Variants in EXD1 observed in about 807,000 individuals in gnomAD.
The protein encoded by EXD1 is exonuclease 3'-5' domain containing 1.
In EXD1, 63 loss-of-function variants were observed where a neutral mutation model predicts 49.1. The ratio of observed to expected loss-of-function variants is 1.28; its 90% CI spans 1.05 to 1.58. EXD1 has a LOEUF of 1.58. EXD1 is among the 40% of genes most tolerant of loss of function. The probability of loss-of-function intolerance (pLI) is 0.00; values close to 1 mark genes in which losing one functional copy is unlikely to be tolerated. For synonymous variants in EXD1, 234 were observed against 239.2 expected (o/e 0.98, Z 0.20); for missense variants, 748 against 666.0 (o/e 1.12, Z -1.36).
chr15:41,183,846 A>G lies in EXD1; in HGVS notation c.*85T>C. 1 of 1,352,344 alleles carries G rather than the reference A, an allele frequency of 7.4e-7. No homozygotes were observed. The highest frequency in any genetic ancestry group is 2.3e-5 in the East Asian group (1 of 42,972). 83.8% of individuals were successfully genotyped at this position (1,352,344 alleles called of 1,614,324 possible). A position where few individuals can be genotyped will look rare whatever the true frequency, so the allele number is the denominator to read the frequency against. Reference sequence around the variant, plus strand: ...TGACTGAAGCATTACTACATTTACAACATGAGAAACCTGGGCACTGTGGAA... The same window carrying G: ...TGACTGAAGCATTACTACATTTACAGCATGAGAAACCTGGGCACTGTGGAA... On this transcript the variant is annotated 3_prime_UTR_variant, in exon 12 of 12. Transcript: ENST00000458580.
chr15:41,202,268 G>A (rs546937566), intron 7 of EXD1, among the ~76,000 whole-genome samples: 19 of 151,568 alleles, frequency 1.3e-4, no homozygotes, highest in African/African-American at 3.9e-4. Context: ...TCTGCCTCCC[G>A]GGTTCAAGTA....
chr15:41,221,962 C>T (rs1049146429), intron 2 of EXD1, among the ~76,000 whole-genome samples: 6 of 151,330 alleles, frequency 4.0e-5, no homozygotes, highest in Admixed American at 1.3e-4. Flanking sequence ...TAGCCAGGCG[C>T]GGTGGCAGGT....
chr15:41,219,714 A>G (rs2047056620), intron 3 of EXD1, 116 bp downstream of exon 3: 3 of 790,410 alleles, frequency 3.8e-6, no homozygotes, highest in Non-Finnish European at 6.0e-6. Context: ...AGTAAGAAGG[A>G]TCAATTCTCA....
intron 5 of EXD1, among the ~76,000 whole-genome samples, chr15:41,216,403 G>A (rs1267641171): frequency 1.3e-5 from 2 of 152,122 alleles, no homozygotes; most frequent in East Asian, 1.9e-4. Context: ...AGGCCAAGGC[G>A]GGCGGATCAC....
In EXD1 at chr15:41,184,431, C is replaced by T; in HGVS notation, c.1219G>A (p.Glu407Lys). ...KLVTETAGKE[E>K]KVKGFLFGKN... is the part of the protein sequence containing the mutation. The stretch of plus-strand genomic sequence containing the variant: ...CCAAATAAGAAGCCTTTGACTTTCT[C>T]CTCTTTCCCTGCTGTCTCTGTCACT... Residue 407 changes from glutamate to lysine, a missense_variant, in exon 12 of 12, where the codon GAG becomes AAG. Coordinates refer to ENST00000458580, the MANE Select transcript of EXD1 (RefSeq NM_001286441.2). 1 of 1,614,112 alleles carries T rather than the reference C, an allele frequency of 6.2e-7. No homozygotes were observed. Among genetic ancestry groups the T allele is most frequent in the African/African-American group, 1.3e-5 (1 of 75,004 alleles).
intron 6 of EXD1, among the ~76,000 whole-genome samples, chr15:41,210,073 G>A (rs537270772): frequency 7.2e-5 from 11 of 152,046 alleles, no homozygotes; most frequent in African/African-American, 2.4e-4. Context: ...GCACCACCAC[G>A]CCCAGCTAAT....
At chr15:41,193,846 G>T (rs2046569223) in intron 9 of EXD1, among the ~76,000 whole-genome samples, 2 of 151,832 alleles carry the variant, frequency 1.3e-5, no homozygotes, top group African/African-American at 4.8e-5. Context: ...ATATGTGGTA[G>T]GCTGGCCAAT....
chr15:41,192,608 T>A (rs1207370209), intron 9 of EXD1, among the ~76,000 whole-genome samples: 4 of 95,156 alleles, frequency 4.2e-5, no homozygotes, highest in East Asian at 2.7e-4. Context: ...TTTTTTTTTT[T>A]TTTTTTTTTT....
chr15:41,212,187 C>T (rs751997141), intron 6 of EXD1, among the ~76,000 whole-genome samples: 1 of 152,112 alleles, frequency 6.6e-6, no homozygotes, highest in Non-Finnish European at 1.5e-5. Flanking sequence ...CAGTGGCTCA[C>T]GCCTGTAGTC....
intron 9 of EXD1, among the ~76,000 whole-genome samples, chr15:41,193,465 C>T (rs932138643): frequency 7.2e-5 from 11 of 152,010 alleles, no homozygotes; most frequent in Admixed American, 5.2e-4. Context: ...ATGGGCCTGG[C>T]ATGTTGGCTC....
chr15:41,225,027 T>G (rs1423528645), intron 2 of EXD1, among the ~76,000 whole-genome samples: 1 of 152,160 alleles, frequency 6.6e-6, no homozygotes, highest in East Asian at 1.9e-4. Context: ...GCTTTATCCT[T>G]TATGATAACT....
intron 6 of EXD1, among the ~76,000 whole-genome samples, chr15:41,212,992 G>A (rs1418982382): frequency 6.6e-6 from 1 of 152,014 alleles, no homozygotes; most frequent in East Asian, 1.9e-4. Flanking sequence ...AGTGAACTCT[G>A]ATTGTGCCAC....
chr15:41,206,273 C>A (rs2046819956), intron 7 of EXD1, among the ~76,000 whole-genome samples: 1 of 151,912 alleles, frequency 6.6e-6, no homozygotes, highest in Non-Finnish European at 1.5e-5. Flanking sequence ...AGTTCAAGAC[C>A]AGCCTGGCCA....
intron 7 of EXD1, among the ~76,000 whole-genome samples, chr15:41,199,734 T>TGTG (rs2046684541): frequency 1.5e-5 from 1 of 65,238 alleles, no homozygotes; most frequent in Non-Finnish European, 3.0e-5. Context: ...ATATATGATA[T>TGTG]ATATGTCATA....
chr15:41,222,215 G>A (rs1022440751), intron 2 of EXD1, among the ~76,000 whole-genome samples: 1 of 152,182 alleles, frequency 6.6e-6, no homozygotes, highest in African/African-American at 2.4e-5. Context: ...AGGAGTTCAA[G>A]ACCAGCCTGG....
chr15:41,192,404 A>T (rs578253781), intron 9 of EXD1: 2 of 151,368 alleles, frequency 1.3e-5, no homozygotes, highest in African/African-American at 4.9e-5. Flanking sequence ...TCAAGCAATT[A>T]TCCTGCCTCA....
At chr15:41,202,911 C>T (rs1230512185) in intron 7 of EXD1, among the ~76,000 whole-genome samples, 2 of 129,726 alleles carry the variant, frequency 1.5e-5, no homozygotes, top group Admixed American at 8.1e-5. Flanking sequence ...GAGCAAGACT[C>T]TGTCTCAAAA....
intron 2 of EXD1, 27 bp downstream of exon 2, chr15:41,226,416 A>G: frequency 6.5e-7 from 1 of 1,532,926 alleles, no homozygotes; most frequent in Non-Finnish European, 8.7e-7. Flanking sequence ...CTTAAAAGGC[A>G]GAACATTATA....
In EXD1 at chr15:41,199,865, C is replaced by A. The variant is rs1316128969; in HGVS notation, c.535-3828G>T. On this transcript the variant is annotated intron_variant, in intron 7 of 11. Transcript: ENST00000458580. Reference sequence around the variant, plus strand: ...ATATATAATATGTCATATATATGATCTGTATATATATCATATATATATGAT... The same window carrying A: ...ATATATAATATGTCATATATATGATATGTATATATATCATATATATATGAT... Among the ~76,000 whole-genome samples the A allele has an allele frequency of 2.6e-3, 370 of 141,810 alleles. 2 individuals are homozygous for A. The highest frequency in any genetic ancestry group is 9.1e-3 in the African/African-American group (349 of 38,344). 93.0% of individuals were successfully genotyped at this position (141,810 alleles called of 152,430 possible). A position where few individuals can be genotyped will look rare whatever the true frequency, so the allele number is the denominator to read the frequency against.
Sources: gnomAD v4.1 joint callset for allele counts (sites outside exome capture counted in the v4.1 genomes callset) on GRCh38, gnomAD v4.1.1 for gene constraint, MANE v1.5 for transcripts, NCBI Gene and HGNC (gene_info 2026-07-23, HGNC 2026-07-21) for gene names.